The following CACNA1D variants were observed in gnomAD, a reference collection of about 807,000 sequenced individuals.
CACNA1D encodes the protein voltage-dependent L-type calcium channel subunit alpha-1D.
CACNA1D carries 55 observed loss-of-function variants against 257.1 expected under a neutral mutation model. That is an observed-to-expected ratio of 0.21 (90% CI 0.17 to 0.27). The LOEUF (loss-of-function observed/expected upper bound fraction) is 0.27, where lower values mean the gene tolerates loss of function less well. Among genes scored for constraint, CACNA1D ranks in the 10% least tolerant of loss-of-function variants. The pLI is 1.00. For synonymous variants in CACNA1D, 980 were observed against 1,014.9 expected (o/e 0.97, Z 0.65); for missense variants, 1,876 against 2,784.0 (o/e 0.67, Z 7.34).
chr3:53,519,991 A>G (rs533635213), intron 3 of CACNA1D, among the ~76,000 whole-genome samples: 1 of 152,116 alleles, frequency 6.6e-6, no homozygotes, highest in Middle Eastern at 3.2e-3. Context: ...ATTCCTTTTT[A>G]TGGTAGAATA....
At chr3:53,536,808 A>G (rs1222950941) in intron 3 of CACNA1D, among the ~76,000 whole-genome samples, 2 of 152,262 alleles carry the variant, frequency 1.3e-5, no homozygotes, top group Non-Finnish European at 2.9e-5. Context: ...CTACAATGGC[A>G]GAAATGAGTA....
chr3:53,645,615 C>G (rs372230306), intron 3 of CACNA1D, among the ~76,000 whole-genome samples: 204 of 152,266 alleles, frequency 1.3e-3, no homozygotes, highest in African/African-American at 4.6e-3. Context: ...TGTCAAAGAT[C>G]AGTTGACCAT....
chr3:53,691,790 A>G (rs866993035), intron 8 of CACNA1D, among the ~76,000 whole-genome samples: 64 of 76,834 alleles, frequency 8.3e-4, no homozygotes, highest in Non-Finnish European at 1.4e-3. Context: ...TCTATAATAT[A>G]TATATTACAT....
chr3:53,574,071 A>T (rs1380435895), intron 3 of CACNA1D, among the ~76,000 whole-genome samples: 2 of 152,150 alleles, frequency 1.3e-5, no homozygotes, highest in African/African-American at 4.8e-5. Flanking sequence ...TGGAGGAGGA[A>T]GGGCAAGAAG....
At chr3:53,686,381 A>G (rs984085784) in intron 8 of CACNA1D, among the ~76,000 whole-genome samples, 1 of 152,084 alleles carries the variant, frequency 6.6e-6, no homozygotes, top group Non-Finnish European at 1.5e-5. Flanking sequence ...TCTCAATACC[A>G]AAACTTTACA....
intron 29 of CACNA1D, among the ~76,000 whole-genome samples, chr3:53,759,171 G>A (rs2095285029): frequency 6.6e-6 from 1 of 152,172 alleles, no homozygotes; most frequent in African/African-American, 2.4e-5. Flanking sequence ...TGGAGAGAGA[G>A]TCAATGAAAT....
intron 12 of CACNA1D, 71 bp downstream of exon 12, chr3:53,722,545 C>G (rs2094892852): frequency 7.0e-6 from 10 of 1,429,702 alleles, no homozygotes; most frequent in Non-Finnish European, 9.9e-7. Flanking sequence ...GCCATTTGGT[C>G]TTATCTGATC....
intron 3 of CACNA1D, among the ~76,000 whole-genome samples, chr3:53,618,266 T>C (rs1264275648): frequency 6.6e-6 from 1 of 152,146 alleles, no homozygotes; most frequent in Non-Finnish European, 1.5e-5. Flanking sequence ...GGCACCAAGG[T>C]CGCCCAGGTG....
At chr3:53,517,258 C>T (rs1372931657) in intron 3 of CACNA1D, among the ~76,000 whole-genome samples, 12 of 145,562 alleles carry the variant, frequency 8.2e-5, no homozygotes, top group Admixed American at 6.2e-4. Flanking sequence ...ATCCTAATTC[C>T]ACTCCATCTC....
Position 53,810,317 on chromosome 3 carries a change from C to A in CACNA1D, c.6192+19C>A. On this transcript the variant is annotated intron_variant, in intron 47 of 47. Transcript: ENST00000350061. The stretch of plus-strand genomic sequence containing the variant: ...GGAGGCAGTGAGTACGGTTCTTGGC[C>A]GTGGTGGGCAGGAAGCACCAGGAGC... The A allele has an allele frequency of 3.7e-6, 6 of 1,611,760 alleles. No individual in the cohort carries two copies. Among genetic ancestry groups the A allele is most frequent in the Non-Finnish European group, 3.4e-6 (4 of 1,178,586 alleles).
intron 3 of CACNA1D, among the ~76,000 whole-genome samples, chr3:53,590,881 G>T (rs1336926825): frequency 5.3e-5 from 8 of 152,160 alleles, no homozygotes; most frequent in Non-Finnish European, 1.2e-4. Context: ...CTGTTAGTGT[G>T]GGCTGAGCTC....
chr3:53,712,411 C>T (rs1303356472), intron 9 of CACNA1D, among the ~76,000 whole-genome samples: 1 of 152,216 alleles, frequency 6.6e-6, no homozygotes, highest in Non-Finnish European at 1.5e-5. Flanking sequence ...GGGCATAATT[C>T]TTGCTTGAGA....
chr3:53,612,846 T>C lies in CACNA1D; in HGVS notation c.484-37933T>C, dbSNP rs1319257334. ...ATCTCTCAGGCATTACAGTCTTCACTGTCTGTCGTTGAATACTAGAAATAT... is the reference window on the plus strand; with the variant it reads ...ATCTCTCAGGCATTACAGTCTTCACCGTCTGTCGTTGAATACTAGAAATAT... On this transcript the variant is annotated intron_variant, in intron 3 of 47. Transcript: ENST00000350061. Among the ~76,000 whole-genome samples, 7 of 152,352 alleles carry C rather than the reference T, an allele frequency of 4.6e-5. No homozygotes were observed. The East Asian group carries it at 1.3e-3, about 29-fold the overall frequency.
At chr3:53,688,644 T>C (rs1559517635) in intron 8 of CACNA1D, among the ~76,000 whole-genome samples, 1 of 152,156 alleles carries the variant, frequency 6.6e-6, no homozygotes, top group Non-Finnish European at 1.5e-5. Context: ...TCTGCACTTC[T>C]CTCCAGGGCC....
At chr3:53,710,234 C>G (rs747034819) in intron 9 of CACNA1D, among the ~76,000 whole-genome samples, 4 of 152,196 alleles carry the variant, frequency 2.6e-5, no homozygotes, top group Admixed American at 6.5e-5. Context: ...CTCCGCTGTT[C>G]TGATGCTGAG....
chr3:53,807,040 C>T (rs538042478), intron 45 of CACNA1D, among the ~76,000 whole-genome samples: 1 of 151,800 alleles, frequency 6.6e-6, no homozygotes, highest in South Asian at 2.1e-4. Context: ...CTTTGCTGCC[C>T]CGCAGCTCAG....
chr3:53,500,323 T>C (rs1450914167), intron 2 of CACNA1D, among the ~76,000 whole-genome samples: 1 of 144,692 alleles, frequency 6.9e-6, no homozygotes, highest in African/African-American at 2.6e-5. Context: ...TCCAGCTACC[T>C]GGGAGACTGA....
At chr3:53,787,517 G>A (rs2095461677) in intron 40 of CACNA1D, among the ~76,000 whole-genome samples, 2 of 151,750 alleles carry the variant, frequency 1.3e-5, no homozygotes, top group Admixed American at 1.3e-4. Flanking sequence ...GAGGCCAGCT[G>A]TGCACATGCT....
At chr3:53,805,538 GC>G (rs1390690115) in intron 45 of CACNA1D, among the ~76,000 whole-genome samples, 3 of 152,160 alleles carry the variant, frequency 2.0e-5, no homozygotes, top group African/African-American at 7.2e-5. Context: ...GGGTGACTGA[GC>G]CCCCAAAGGG....
Sources: gnomAD v4.1 joint callset for allele counts (sites outside exome capture counted in the v4.1 genomes callset) on GRCh38, gnomAD v4.1.1 for gene constraint, MANE v1.5 for transcripts, NCBI Gene and HGNC (gene_info 2026-07-23, HGNC 2026-07-21) for gene names.